KIAA1210: variants seen among roughly 807,000 people sequenced by gnomAD.
The protein encoded by KIAA1210 is acrosomal protein KIAA1210.
A neutral mutation model predicts 78.9 loss-of-function variants in KIAA1210; 48 were observed. The ratio of observed to expected loss-of-function variants is 0.61; its 90% CI spans 0.48 to 0.77. The LOEUF (loss-of-function observed/expected upper bound fraction) is 0.77, where lower values mean the gene tolerates loss of function less well. Among genes scored for constraint, KIAA1210 ranks in the 30% least tolerant of loss-of-function variants. KIAA1210 has a pLI of 0.00. For missense variants in KIAA1210, 1,108 were observed against 1,100.0 expected, an observed-to-expected ratio of 1.01 and a Z score of -0.10; for synonymous variants, 406 against 404.5, an observed-to-expected ratio of 1.00 and a Z score of -0.04.
chrX:119,085,264 C>CA (rs1158787977), intron 10 of KIAA1210, 119 bp downstream of exon 10: 2 of 660,399 alleles, frequency 3.0e-6, no homozygotes, highest in African/African-American at 4.5e-5. Context: ...AGTCCTCCTG[C>CA]CTTGATTAAT....
At chrX:119,116,383 C>A in intron 3 of KIAA1210, 113 bp downstream of exon 3, 1 of 759,091 alleles carries the variant, frequency 1.3e-6, no homozygotes, top group Admixed American at 3.4e-5. Context: ...AGCCTGGCCC[C>A]CACAGGTGGG....
intron 1 of KIAA1210, among the ~76,000 whole-genome samples, chrX:119,124,447 C>A (rs1489763408): frequency 8.9e-6 from 1 of 112,372 alleles, no homozygotes; most frequent in Non-Finnish European, 1.9e-5. Context: ...CAAAAAAAGA[C>A]AAATGCAAAA....
chrX:119,133,971 G>T (rs1335282096), intron 2 of KIAA1210, among the ~76,000 whole-genome samples: 1 of 111,096 alleles, frequency 9.0e-6, no homozygotes, highest in Non-Finnish European at 1.9e-5. Flanking sequence ...TCAAATATTT[G>T]TGTTGGGAAC....
In KIAA1210 at chrX:119,088,984, G is replaced by A. The variant is rs1569312892; in HGVS notation, c.1718C>T (p.Thr573Ile). Reference sequence around the variant, plus strand: ...AACATCTCCTTTGGCTGTAGTACTTGTCATACCCAAAACACTTGCTGTAAA... The same window carrying A: ...AACATCTCCTTTGGCTGTAGTACTTATCATACCCAAAACACTTGCTGTAAA... ...QTFTASVLGM[T>I]STTAKGDVYA... Residue 573 changes from threonine (T) to isoleucine (I), a missense_variant, in exon 9 of 12, where the codon ACA becomes ATA. Thr to Ile is a moderately conservative substitution (Grantham distance 89). Transcript: ENST00000691062. The A allele has an allele frequency of 8.3e-7, 1 of 1,211,831 alleles. No homozygotes were observed. Among genetic ancestry groups the A allele is most frequent in the Non-Finnish European group, 1.1e-6 (1 of 895,460 alleles).
intron 2 of KIAA1210, among the ~76,000 whole-genome samples, chrX:119,140,411 C>G (rs753848029): frequency 1.8e-4 from 20 of 108,941 alleles, no homozygotes; most frequent in African/African-American, 6.7e-4. Flanking sequence ...CGGCTGTAAT[C>G]CCAGCTATTC....
At chrX:119,093,247 T>C (rs1482320800) in intron 8 of KIAA1210, among the ~76,000 whole-genome samples, 1 of 112,234 alleles carries the variant, frequency 8.9e-6, no homozygotes, top group Non-Finnish European at 1.9e-5. Context: ...TTTAAAAAAA[T>C]GATTTTTTGG....
chrX:119,083,255 T>C, intron 10 of KIAA1210, 135 bp from the exon 11 acceptor site: 3 of 376,748 alleles, frequency 8.0e-6, no homozygotes, highest in Non-Finnish European at 1.3e-5. Flanking sequence ...GGAAAGAGAT[T>C]AGAAATATAG....
intron 2 of KIAA1210, among the ~76,000 whole-genome samples, chrX:119,142,498 G>A (rs1273743990): frequency 1.8e-5 from 2 of 111,302 alleles, no homozygotes; most frequent in East Asian, 5.7e-4. Context: ...AAGGAAGGAG[G>A]TGGGCACAGT....
rs750103202 is a variant in KIAA1210 at position 119,116,520 on chromosome X, C to T, written c.206G>A (p.Arg69Gln). ...CCTGGCCTTAGTTGGTTGATTTTCC[C>T]GAACGGGCTGCAGAGAAGAGATGTT... ...NINISSLQPV[R>Q]ENQPTKARAK... Residue 69 changes from arginine (R) to glutamine (Q), a missense_variant, in exon 3 of 12, where the codon CGG becomes CAG. Transcript: ENST00000691062. The T allele has an allele frequency of 3.4e-5, 41 of 1,209,794 alleles. No homozygotes were observed. Among genetic ancestry groups the T allele is most frequent in the South Asian group, 1.6e-4 (9 of 56,617 alleles).
chrX:119,145,528 C>T (rs978727160), intron 2 of KIAA1210, among the ~76,000 whole-genome samples: 1 of 110,958 alleles, frequency 9.0e-6, no homozygotes, highest in Non-Finnish European at 1.9e-5. Context: ...GGGCCTGCAA[C>T]CCCCAAGCCA....
At position 119,096,459 on chromosome X, in the gene KIAA1210, C is replaced by T. The variant is rs139176119; in HGVS notation, c.846+35G>A. ...AGGTTGGAACTCATCTTTTCTTATA[C>T]AGGAGTTTAGTGCCCTGTCTCTTGA... On this transcript the variant is annotated intron_variant, in intron 7 of 11. Transcript: ENST00000691062. 465 of 1,134,587 alleles carry T rather than the reference C, an allele frequency of 4.1e-4. 1 individual carries two copies. In the African/African-American group the frequency reaches 7.2e-3, roughly 18 times the overall value. The allele number at this position is 1,134,587 out of a possible 1,213,427, so 93.5% of individuals were successfully genotyped here. A position where few individuals can be genotyped will look rare whatever the true frequency, so the allele number is the denominator to read the frequency against.
intron 3 of KIAA1210, among the ~76,000 whole-genome samples, chrX:119,111,425 A>G (rs1456054498): frequency 8.9e-6 from 1 of 112,123 alleles, no homozygotes; most frequent in African/African-American, 3.2e-5. Context: ...CTATGCAGCC[A>G]TAAAAAATGA....
Position 119,088,736 on chromosome X carries a change from GCTC to G in KIAA1210, c.1963_1965del (p.Glu655del). 1 of 1,209,175 alleles carries G rather than the reference GCTC, an allele frequency of 8.3e-7. No homozygotes were observed. The highest frequency in any genetic ancestry group is 3.0e-5 in the East Asian group (1 of 33,757). ...GCCTGGGAGAGGCATCTGAGGTCCA[GCTC>G]CTCCTCAGAGCTGCTCAAGTCCTCA... On this transcript the variant is annotated inframe_deletion, in exon 9 of 12. Coordinates refer to ENST00000691062, the MANE Select transcript of KIAA1210 (RefSeq NM_001394962.1).
At chrX:119,093,309 G>A (rs1927446817) in intron 8 of KIAA1210, among the ~76,000 whole-genome samples, 1 of 112,272 alleles carries the variant, frequency 8.9e-6, no homozygotes, top group Non-Finnish European at 1.9e-5. Context: ...ATGCTGAAGG[G>A]GAAATCAGTG....
At position 119,124,460 on chromosome X, in the gene KIAA1210, C is replaced by A. The variant is rs536941032; in HGVS notation, c.-10-808G>T. Among the ~76,000 whole-genome samples the A allele has an allele frequency of 3.1e-4, 35 of 112,319 alleles. No homozygotes were observed. In the South Asian group the frequency reaches 0.013, roughly 40 times the overall value. ...ACCAAAAAAAGACAAATGCAAAAAA[C>A]CTGATCTATTGTTTTGTGGGTTGGG... is the stretch of plus-strand genomic sequence containing the variant. On this transcript the variant is annotated intron_variant, in intron 1 of 11. Transcript: ENST00000691062.
At chrX:119,081,994 C>A (rs1158574007) in intron 11 of KIAA1210, among the ~76,000 whole-genome samples, 1 of 112,173 alleles carries the variant, frequency 8.9e-6, no homozygotes, top group Non-Finnish European at 1.9e-5. Flanking sequence ...ACCAACCCAA[C>A]TACCCCAGCC....
rs1406723735 is a variant in KIAA1210, at chrX:119,079,447, AAGAC to A, written c.*1878_*1881del. Reference sequence around the variant, plus strand: ...GGGTTTGGGGGATGGAATGAAGAGAAAGACAGAGAAAGGAAGATTTAACTAACTT... The same window carrying A: ...GGGTTTGGGGGATGGAATGAAGAGAAAGAGAAAGGAAGATTTAACTAACTT... On this transcript the variant is annotated 3_prime_UTR_variant, in exon 12 of 12. Transcript: ENST00000691062. 1 of 111,852 alleles carries A rather than the reference AAGAC, an allele frequency of 8.9e-6. No individual in the cohort carries two copies. The highest frequency in any genetic ancestry group is 1.9e-5 in the Non-Finnish European group (1 of 53,107). The allele number at this position is 111,852 out of a possible 1,213,427, so 9.2% of individuals were successfully genotyped here. A position where few individuals can be genotyped will look rare whatever the true frequency, so the allele number is the denominator to read the frequency against.
intron 1 of KIAA1210, chrX:119,147,652 G>C (rs1289715908): frequency 1.8e-6 from 2 of 1,094,536 alleles, no homozygotes; most frequent in African/African-American, 5.0e-5. Context: ...TATCATCACA[G>C]GTCAGTTGGC....
intron 2 of KIAA1210, among the ~76,000 whole-genome samples, chrX:119,117,368 A>AGTGTGTGT (rs140314969): frequency 1.9e-5 from 2 of 103,800 alleles, no homozygotes; most frequent in African/African-American, 7.1e-5. Context: ...TTTTTCAAGG[A>AGTGTGTGT]GTGTGTGTGT....
Sources: gnomAD v4.1 joint callset for allele counts (sites outside exome capture counted in the v4.1 genomes callset) on GRCh38, gnomAD v4.1.1 for gene constraint, MANE v1.5 for transcripts, NCBI Gene and HGNC (gene_info 2026-07-23, HGNC 2026-07-21) for gene names.